Variants in NFIA observed in about 807,000 individuals in gnomAD.
NFIA encodes the protein nuclear factor 1 A-type.
NFIA carries 8 observed loss-of-function variants against 62.8 expected under a neutral mutation model. The observed-to-expected ratio is 0.13, with a 90% CI of 0.07 to 0.23. The LOEUF is 0.23. Ranked by LOEUF, NFIA falls within the 10% of genes least tolerant of loss-of-function variation. The pLI is 1.00. For missense variants in NFIA, 410 were observed against 642.1 expected (o/e 0.64, Z 3.91); for synonymous variants, 235 against 238.1 (o/e 0.99, Z 0.12).
At chr1:61,179,189 A>G (rs963435734) in intron 2 of NFIA, among the ~76,000 whole-genome samples, 4 of 152,218 alleles carry the variant, frequency 2.6e-5, no homozygotes, top group African/African-American at 9.6e-5. Flanking sequence ...GAGGACACCA[A>G]TAGTTTCTGT....
At chr1:61,438,126 T>C (rs1667415250) in intron 10 of NFIA, among the ~76,000 whole-genome samples, 1 of 152,126 alleles carries the variant, frequency 6.6e-6, no homozygotes, top group Non-Finnish European at 1.5e-5. Context: ...CAGCATAATG[T>C]AGTGGAAAAA....
At chr1:61,184,106 T>TGC (rs1553158984) in intron 2 of NFIA, among the ~76,000 whole-genome samples, 5 of 101,806 alleles carry the variant, frequency 4.9e-5, no homozygotes, top group African/African-American at 1.9e-4. Context: ...GTAAGGTTTA[T>TGC]GGGGGGGGGA....
intron 2 of NFIA, among the ~76,000 whole-genome samples, chr1:61,203,311 A>G (rs966332342): frequency 6.6e-6 from 1 of 152,174 alleles, no homozygotes; most frequent in African/African-American, 2.4e-5. Context: ...CAGTAATATT[A>G]CTAACAGGGA....
At chr1:61,345,363 A>C (rs1458361547) in intron 4 of NFIA, among the ~76,000 whole-genome samples, 1 of 152,202 alleles carries the variant, frequency 6.6e-6, no homozygotes, top group Non-Finnish European at 1.5e-5. Context: ...ATTGATGATC[A>C]ACTGTGTACA....
chr1:61,395,285 T>TG (rs1403726286), intron 7 of NFIA, among the ~76,000 whole-genome samples: 1 of 112,086 alleles, frequency 8.9e-6, no homozygotes, highest in Non-Finnish European at 1.8e-5. Flanking sequence ...TGTGTGTGTG[T>TG]GTGTTTTTTT....
chr1:61,430,326 A>G (rs959572087), intron 10 of NFIA, among the ~76,000 whole-genome samples: 1 of 152,244 alleles, frequency 6.6e-6, no homozygotes, highest in Non-Finnish European at 1.5e-5. Context: ...TTTTCTTATT[A>G]TATTCATAAT....
At chr1:61,101,494 C>T (rs567005306) in intron 2 of NFIA, among the ~76,000 whole-genome samples, 2 of 151,810 alleles carry the variant, frequency 1.3e-5, no homozygotes, top group African/African-American at 4.8e-5. Flanking sequence ...AAAGGGCATC[C>T]TTCTAGTAAT....
At chr1:61,347,441 G>A (rs1662297923) in intron 4 of NFIA, among the ~76,000 whole-genome samples, 1 of 152,072 alleles carries the variant, frequency 6.6e-6, no homozygotes, top group Non-Finnish European at 1.5e-5. Flanking sequence ...CCAAAGTGCT[G>A]GGATTACAGT....
intron 2 of NFIA, among the ~76,000 whole-genome samples, chr1:61,188,610 C>T (rs945322086): frequency 3.3e-5 from 5 of 152,158 alleles, no homozygotes; most frequent in African/African-American, 1.2e-4. Context: ...GTGTCGTCAT[C>T]GACATCATCA....
chr1:61,149,707 A>C (rs1447408186), intron 2 of NFIA, among the ~76,000 whole-genome samples: 2 of 152,210 alleles, frequency 1.3e-5, no homozygotes, highest in Admixed American at 1.3e-4. Context: ...CAAGTAGCTT[A>C]ACTTCTCTGA....
intron 3 of NFIA, among the ~76,000 whole-genome samples, chr1:61,307,552 A>G (rs1659867214): frequency 6.6e-6 from 1 of 152,258 alleles, no homozygotes; most frequent in Non-Finnish European, 1.5e-5. Context: ...TCTGAGAATC[A>G]GTCACCTGGA....
At chr1:61,260,419 G>T (rs1028619840) in intron 2 of NFIA, among the ~76,000 whole-genome samples, 9 of 152,310 alleles carry the variant, frequency 5.9e-5, no homozygotes, top group Non-Finnish European at 1.0e-4. Context: ...AGCTTCCTGT[G>T]ATATAGACTG....
chr1:61,242,838 G>A (rs948051250), intron 2 of NFIA, among the ~76,000 whole-genome samples: 2 of 151,600 alleles, frequency 1.3e-5, no homozygotes, highest in African/African-American at 4.8e-5. Context: ...TATCTCAATT[G>A]GTAGTGGAAT....
chr1:61,197,351 G>A (rs1339838856), intron 2 of NFIA, among the ~76,000 whole-genome samples: 2 of 144,400 alleles, frequency 1.4e-5, no homozygotes, highest in African/African-American at 2.6e-5. Flanking sequence ...CGATTCTTCT[G>A]CCTCAGCCTC....
chr1:61,187,070 T>TA (rs1478026444), intron 2 of NFIA, among the ~76,000 whole-genome samples: 5 of 152,326 alleles, frequency 3.3e-5, no homozygotes, highest in African/African-American at 1.2e-4. Flanking sequence ...GCTTTATTTG[T>TA]AAAATGTCAA....
intron 10 of NFIA, among the ~76,000 whole-genome samples, chr1:61,437,012 T>C (rs1387063056): frequency 3.3e-5 from 5 of 152,212 alleles, no homozygotes. Context: ...AACACCCTCC[T>C]TCCTCAGAGT....
intron 3 of NFIA, among the ~76,000 whole-genome samples, chr1:61,310,324 CTTCCATCTGA>C (rs1202454093): frequency 6.6e-6 from 1 of 152,212 alleles, no homozygotes; most frequent in East Asian, 1.9e-4. Context: ...GCCATGTTAT[CTTCCATCTGA>C]TCACATTACT....
At chr1:61,396,820 T>C (rs1665293265) in intron 7 of NFIA, among the ~76,000 whole-genome samples, 2 of 151,802 alleles carry the variant, frequency 1.3e-5, no homozygotes, top group Non-Finnish European at 2.9e-5. Flanking sequence ...GGCAACGTGG[T>C]GAAACCCCAT....
At chr1:61,131,768 A>C (rs1051344372) in intron 2 of NFIA, among the ~76,000 whole-genome samples, 2 of 152,202 alleles carry the variant, frequency 1.3e-5, no homozygotes, top group Non-Finnish European at 2.9e-5. Context: ...TAAGTTGATC[A>C]GTCAGGATAG....
Sources: gnomAD v4.1 joint callset for allele counts (sites outside exome capture counted in the v4.1 genomes callset) on GRCh38, gnomAD v4.1.1 for gene constraint, MANE v1.5 for transcripts, NCBI Gene and HGNC (gene_info 2026-07-23, HGNC 2026-07-21) for gene names.